Variants in SNX27 observed in about 807,000 individuals in gnomAD.
SNX27 encodes the protein sorting nexin 27, also known as sorting nexin-27.
Under a neutral mutation model 71.6 loss-of-function variants are expected in SNX27, and 22 were observed. That is an observed-to-expected ratio of 0.31 (90% CI 0.22 to 0.44). The LOEUF (loss-of-function observed/expected upper bound fraction) is 0.44, where lower values mean the gene tolerates loss of function less well. Among genes scored for constraint, SNX27 ranks in the 20% least tolerant of loss-of-function variants. The pLI, the probability that SNX27 is intolerant of heterozygous loss-of-function variation, is 1.00. For synonymous variants in SNX27, 269 were observed against 277.2 expected (o/e 0.97, Z 0.29); for missense variants, 531 against 698.6 (o/e 0.76, Z 2.70).
intron 2 of SNX27, 140 bp from the exon 3 acceptor site, chr1:151,658,095 A>T (rs571505899): frequency 5.9e-6 from 4 of 676,258 alleles, no homozygotes; most frequent in African/African-American, 3.6e-5. Context: ...AGTAAGTCTT[A>T]CTTTAAAGTG....
intron 11 of SNX27, chr1:151,694,111 T>C: frequency 7.9e-7 from 1 of 1,258,752 alleles, no homozygotes; most frequent in Non-Finnish European, 1.0e-6. Context: ...TTTTTCCCTC[T>C]GTGTAATTTT....
At chr1:151,671,877 AT>A (rs1172411478) in intron 7 of SNX27, among the ~76,000 whole-genome samples, 1 of 151,884 alleles carries the variant, frequency 6.6e-6, no homozygotes, top group Non-Finnish European at 1.5e-5. Context: ...TACTGAATTT[AT>A]TTATCAGTTC....
chr1:151,675,810 CTTTTTTTTTTTTTTTTTTTTTTT>C (rs57260474), intron 7 of SNX27: 10 of 31,464 alleles, frequency 3.2e-4, no homozygotes, highest in Admixed American at 1.4e-3. Context: ...TTCTTTCTTT[CTTTTTTTTTTTTTTTTTTTTTTT>C]TTTTTTTTTT....
At chr1:151,667,270 G>C (rs1240483968) in intron 6 of SNX27, 1 of 119,992 alleles carries the variant, frequency 8.3e-6, no homozygotes, top group Non-Finnish European at 1.7e-5. Context: ...GGAAAGAAAA[G>C]AAAACTCAGC....
chr1:151,692,231 AAAAAG>A (rs1671483343), intron 8 of SNX27, among the ~76,000 whole-genome samples, 199 bp from the exon 9 acceptor site: 2 of 152,096 alleles, frequency 1.3e-5, no homozygotes, highest in Non-Finnish European at 2.9e-5. Context: ...CTCAAAAAAT[AAAAAG>A]AAAAGAATTG....
rs138199639 is a variant in SNX27 at position 151,615,404 on chromosome 1, G to A, written c.311+2892G>A. ...TCGATAGTCTGCGCCTTCTCTTTAG[G>A]GTTTCAAGTGAGAGGGGAAATCAGC... On this transcript the variant is annotated intron_variant, in intron 1 of 11. Coordinates refer to ENST00000458013, the MANE Select transcript of SNX27 (RefSeq NM_001330723.2). Among the ~76,000 whole-genome samples the A allele has an allele frequency of 2.5e-3, 374 of 151,716 alleles. 3 individuals are homozygous for A. The highest frequency in any genetic ancestry group is 8.8e-3 in the African/African-American group (365 of 41,380).
chr1:151,637,054 G>A (rs1175238402), intron 1 of SNX27, among the ~76,000 whole-genome samples: 1 of 151,862 alleles, frequency 6.6e-6, no homozygotes, highest in Non-Finnish European at 1.5e-5. Context: ...ACCAATTCTG[G>A]TACTAATAGT....
intron 8 of SNX27, among the ~76,000 whole-genome samples, chr1:151,688,649 T>A (rs1039054640): frequency 2.2e-5 from 3 of 137,802 alleles, no homozygotes; most frequent in East Asian, 4.5e-4. Context: ...AAAAAAAAAA[T>A]TCACCTGTTT....
At chr1:151,629,494 TGC>T (rs1491577416) in intron 1 of SNX27, 1 of 150,822 alleles carries the variant, frequency 6.6e-6, no homozygotes, top group East Asian at 1.9e-4. Context: ...TATACATGTA[TGC>T]GTATATATAT....
At chr1:151,693,293 T>C (rs1671542695) in intron 10 of SNX27, 131 bp from the exon 11 acceptor site, 1 of 1,023,602 alleles carries the variant, frequency 9.8e-7, no homozygotes, top group East Asian at 2.5e-5. Context: ...GCCTGGGTTT[T>C]ATGGTACTTG....
At chr1:151,659,166 G>A (rs1211399518) in intron 3 of SNX27, among the ~76,000 whole-genome samples, 5 of 152,196 alleles carry the variant, frequency 3.3e-5, no homozygotes, top group African/African-American at 1.2e-4. Flanking sequence ...GGTTTGCTGA[G>A]TTGTAGGTAA....
chr1:151,662,098 C>G, intron 4 of SNX27, 68 bp from the exon 5 acceptor site: 1 of 1,084,406 alleles, frequency 9.2e-7, no homozygotes, highest in Non-Finnish European at 1.4e-6. Context: ...TATTGTCTAG[C>G]TAGCTTGTTA....
In SNX27 at chr1:151,694,467, T is replaced by A; in HGVS notation, c.*50T>A. 1 of 1,511,784 alleles carries A rather than the reference T, an allele frequency of 6.6e-7. No homozygotes were observed. Among genetic ancestry groups the A allele is most frequent in the Non-Finnish European group, 8.9e-7 (1 of 1,118,706 alleles). 93.6% of individuals were successfully genotyped at this position (1,511,784 alleles called of 1,614,324 possible). On this transcript the variant is annotated 3_prime_UTR_variant, in exon 12 of 12. Coordinates refer to ENST00000458013, the MANE Select transcript of SNX27 (RefSeq NM_001330723.2). ...CTTCACCCCCATCCTCTTACTCCTT[T>A]CATGTCCCATTTCAGACAGAGTAAC...
chr1:151,658,065 C>T (rs1319475775), intron 2 of SNX27, among the ~76,000 whole-genome samples, 170 bp from the exon 3 acceptor site: 2 of 152,100 alleles, frequency 1.3e-5, no homozygotes, highest in African/African-American at 4.8e-5. Flanking sequence ...ATGCATATAA[C>T]TTTATGCATG....
chr1:151,612,972 C>T lies in SNX27; in HGVS notation c.311+460C>T, dbSNP rs1460127394. Among the ~76,000 whole-genome samples the T allele has an allele frequency of 6.6e-6, 1 of 151,968 alleles. No homozygotes were observed. Among genetic ancestry groups the T allele is most frequent in the Non-Finnish European group, 1.5e-5 (1 of 67,988 alleles). ...CGCAGTTTCGTTCTCCACCACTCCCCTCCGCCCCCGTGGACTGCCCCTTCT... is the reference window on the plus strand; with the variant it reads ...CGCAGTTTCGTTCTCCACCACTCCCTTCCGCCCCCGTGGACTGCCCCTTCT... On this transcript the variant is annotated intron_variant, in intron 1 of 11. Coordinates refer to ENST00000458013, the MANE Select transcript of SNX27 (RefSeq NM_001330723.2). This position sits in a 1 kb window ranked among gnomAD's most constrained non-coding sequence, Gnocchi z 5.2.
In SNX27 at chr1:151,692,578, G is replaced by C; in HGVS notation, c.1383G>C (p.Gln461His). 1 of 1,612,066 alleles carries C rather than the reference G, an allele frequency of 6.2e-7. No individual in the cohort carries two copies. The highest frequency in any genetic ancestry group is 8.5e-7 in the Non-Finnish European group (1 of 1,179,452). The stretch of plus-strand genomic sequence containing the variant: ...TGCATGCCTGCACTGAAGAAGGACA[G>C]CTGGAGGTGAGTTTTCAGCATAGGG... ...FKLHACTEEG[Q>H]LENQVIAFEW... The change falls in exon 9 of 12, where the codon CAG (glutamine) becomes CAC (histidine). Residue 461 changes from glutamine to histidine, a missense_variant. By Grantham distance (24) the Gln-to-His change is conservative. Around this residue, in one of 5 missense-constraint regions of SNX27, gnomAD observed 157 missense variants for 178.4 expected, o/e 0.88. Transcript: ENST00000458013.
At chr1:151,652,583 A>ATT (rs1045251495) in intron 2 of SNX27, among the ~76,000 whole-genome samples, 1 of 147,900 alleles carries the variant, frequency 6.8e-6, no homozygotes, top group African/African-American at 2.5e-5. Flanking sequence ...TAATTTTTGT[A>ATT]TTTTTTTTTA....
intron 1 of SNX27, among the ~76,000 whole-genome samples, chr1:151,624,409 T>TTATATATATATATATATA (rs10577800): frequency 3.9e-5 from 5 of 129,774 alleles, no homozygotes; most frequent in South Asian, 4.8e-4. Context: ...TAGCTTGATT[T>TTATATATATATATATATA]TATATATATA....
intron 11 of SNX27, 42 bp from the exon 12 acceptor site, chr1:151,694,328 G>C: frequency 6.5e-7 from 1 of 1,548,576 alleles, no homozygotes; most frequent in Non-Finnish European, 8.7e-7. Flanking sequence ...CAGATAAGAG[G>C]AGATGTGCCT....
Sources: gnomAD v4.1 joint callset for allele counts (sites outside exome capture counted in the v4.1 genomes callset) on GRCh38, gnomAD v4.1.1 for gene constraint, gnomAD v4.1.1 regional missense constraint, Gnocchi (gnomAD v3.1) non-coding constraint, MANE v1.5 for transcripts, NCBI Gene and HGNC (gene_info 2026-07-23, HGNC 2026-07-21) for gene names.